The following CADM2 variants were observed in gnomAD, a reference collection of about 807,000 sequenced individuals.
CADM2 encodes the protein immunoglobulin superfamily member 4D.
CADM2 carries 12 observed loss-of-function variants against 49.8 expected under a neutral mutation model. That is an observed-to-expected ratio of 0.24 (90% CI 0.15 to 0.39). CADM2 has a LOEUF of 0.39. Ranked by LOEUF, CADM2 falls within the 10% of genes least tolerant of loss-of-function variation. The probability of loss-of-function intolerance (pLI) is 1.00; values close to 1 mark genes in which losing one functional copy is unlikely to be tolerated. For synonymous variants in CADM2, 214 were observed against 175.4 expected, an observed-to-expected ratio of 1.22 and a Z score of -1.74; for missense variants, 378 against 492.3, an observed-to-expected ratio of 0.77 and a Z score of 2.20.
At chr3:85,984,287 T>C (rs1007176750) in intron 8 of CADM2, among the ~76,000 whole-genome samples, 15 of 151,262 alleles carry the variant, frequency 9.9e-5, no homozygotes, top group African/African-American at 3.6e-4. Context: ...CAAGTGACTT[T>C]GATATGATTT....
chr3:85,458,082 G>A (rs900549063), intron 1 of CADM2, among the ~76,000 whole-genome samples: 3 of 151,968 alleles, frequency 2.0e-5, no homozygotes, highest in African/African-American at 7.3e-5. Flanking sequence ...CTTTGTTTAT[G>A]ATCTTCCTTT....
At chr3:85,092,683 A>C (rs1026226750) in intron 1 of CADM2, among the ~76,000 whole-genome samples, 1 of 151,914 alleles carries the variant, frequency 6.6e-6, no homozygotes, top group African/African-American at 2.4e-5. Flanking sequence ...GACCTCTCTC[A>C]CCTCTTACAC....
intron 8 of CADM2, among the ~76,000 whole-genome samples, chr3:86,010,185 G>A (rs898962789): frequency 6.6e-6 from 1 of 151,798 alleles, no homozygotes; most frequent in African/African-American, 2.4e-5. Flanking sequence ...AACATATAGG[G>A]AATTACAATC....
chr3:85,970,687 A>G lies in CADM2; in HGVS notation c.970+9040A>G, dbSNP rs141395323. On this transcript the variant is annotated intron_variant, in intron 8 of 9. Coordinates refer to ENST00000383699, the MANE Select transcript of CADM2 (RefSeq NM_001167675.2). ...TGGCAGTTAACAAACATTTATGTCAAAATTAGAATTCACTAAAATTAGTGC... is the reference window on the plus strand; with the variant it reads ...TGGCAGTTAACAAACATTTATGTCAGAATTAGAATTCACTAAAATTAGTGC... Among the ~76,000 whole-genome samples, 10 of 151,704 alleles carry G rather than the reference A, an allele frequency of 6.6e-5. No individual in the cohort carries two copies. The East Asian group carries it at 2.0e-3, about 30-fold the overall frequency.
At chr3:85,906,236 C>G (rs1431624275) in intron 5 of CADM2, among the ~76,000 whole-genome samples, 1 of 151,972 alleles carries the variant, frequency 6.6e-6, no homozygotes, top group African/African-American at 2.4e-5. Flanking sequence ...AAATATAGAG[C>G]CCACCCTGAG....
intron 2 of CADM2, among the ~76,000 whole-genome samples, chr3:85,795,359 G>C (rs554969515): frequency 2.6e-5 from 4 of 152,082 alleles, no homozygotes; most frequent in African/African-American, 7.2e-5. Flanking sequence ...CTACAACAAA[G>C]CTTTTGAATT....
intron 1 of CADM2, among the ~76,000 whole-genome samples, chr3:85,682,288 G>A (rs2066061118): frequency 6.6e-6 from 1 of 152,072 alleles, no homozygotes; most frequent in African/African-American, 2.4e-5. Flanking sequence ...TGACTAAAGA[G>A]GGAATACTTC....
At chr3:85,637,291 T>C (rs1420889795) in intron 1 of CADM2, among the ~76,000 whole-genome samples, 2 of 152,118 alleles carry the variant, frequency 1.3e-5, no homozygotes, top group East Asian at 3.9e-4. Flanking sequence ...CGTCTTGAAA[T>C]AATTTCTTTT....
chr3:85,469,625 A>C (rs753627163), intron 1 of CADM2, among the ~76,000 whole-genome samples: 4 of 152,194 alleles, frequency 2.6e-5, no homozygotes, highest in African/African-American at 4.8e-5. Context: ...AAATAGTCAA[A>C]ACCTATCAGA....
chr3:85,093,872 A>G (rs568906710), intron 1 of CADM2, among the ~76,000 whole-genome samples: 1 of 151,722 alleles, frequency 6.6e-6, no homozygotes, highest in South Asian at 2.1e-4. Flanking sequence ...TGATTGGGGG[A>G]GGGTGGGAAG....
intron 1 of CADM2, among the ~76,000 whole-genome samples, chr3:85,043,183 A>G (rs946970338): frequency 6.6e-6 from 1 of 151,966 alleles, no homozygotes; most frequent in Non-Finnish European, 1.5e-5. Context: ...GATAAGAATT[A>G]TTTTCTCGTC....
chr3:85,859,420 C>T (rs1042154901), intron 3 of CADM2, among the ~76,000 whole-genome samples: 7 of 151,590 alleles, frequency 4.6e-5, no homozygotes, highest in Non-Finnish European at 1.0e-4. Flanking sequence ...TTAATAGAGA[C>T]GAGGTTTCAC....
chr3:85,504,654 C>G (rs2107671560), intron 1 of CADM2, among the ~76,000 whole-genome samples: 1 of 152,340 alleles, frequency 6.6e-6, no homozygotes, highest in South Asian at 2.1e-4. Flanking sequence ...GAGCTGCCTG[C>G]CAGTCCCGCG....
chr3:85,368,379 G>T (rs958016668), intron 1 of CADM2, among the ~76,000 whole-genome samples: 3 of 152,038 alleles, frequency 2.0e-5, no homozygotes, highest in African/African-American at 7.2e-5. Flanking sequence ...AGTGGGCTAA[G>T]CATTGCGTGG....
At chr3:85,054,098 A>C (rs1458016315) in intron 1 of CADM2, among the ~76,000 whole-genome samples, 1 of 151,966 alleles carries the variant, frequency 6.6e-6, no homozygotes, top group African/African-American at 2.4e-5. Flanking sequence ...TATTATATGT[A>C]AGGCAGATAT....
chr3:85,577,020 A>G (rs553788759), intron 1 of CADM2, among the ~76,000 whole-genome samples: 1 of 152,234 alleles, frequency 6.6e-6, no homozygotes. Flanking sequence ...CCTGGATGTC[A>G]AGTCCGGAAA....
chr3:85,612,796 G>A (rs919668967), intron 1 of CADM2, among the ~76,000 whole-genome samples: 18 of 151,676 alleles, frequency 1.2e-4, no homozygotes, highest in African/African-American at 4.3e-4. Context: ...AAATAGCTGT[G>A]TTGGCAGCAA....
intron 1 of CADM2, among the ~76,000 whole-genome samples, chr3:84,970,583 A>C (rs1023483869): frequency 6.6e-6 from 1 of 152,024 alleles, no homozygotes; most frequent in Non-Finnish European, 1.5e-5. Flanking sequence ...GACTAGCTTA[A>C]GATTTACCTG....
At chr3:85,354,645 G>GAGAGAGAGAGAGAGAGAGAGAGAGAGAAT (rs2031699990) in intron 1 of CADM2, among the ~76,000 whole-genome samples, 2 of 19,624 alleles carry the variant, frequency 1.0e-4, no homozygotes, top group Non-Finnish European at 2.8e-4. Context: ...AGAGAGAGAA[G>GAGAGAGAGAGAGAGAGAGAGAGAGAGAAT]CCTATTCTGT....
Sources: allele counts gnomAD v4.1 joint callset (sites outside exome capture counted in the v4.1 genomes callset), GRCh38; gene constraint gnomAD v4.1.1; transcripts MANE v1.5; gene names NCBI Gene and HGNC (gene_info 2026-07-23, HGNC 2026-07-21).